The following TRABD2B variants were observed in gnomAD, a reference collection of about 807,000 sequenced individuals.
TRABD2B encodes TraB domain containing 2B.
In TRABD2B, 14 loss-of-function variants were observed where a neutral mutation model predicts 40.1. That is an observed-to-expected ratio of 0.35 (90% CI 0.23 to 0.55). TRABD2B has a LOEUF of 0.55. Among genes scored for constraint, TRABD2B ranks in the 20% least tolerant of loss-of-function variants. The probability of loss-of-function intolerance (pLI) is 0.90; values close to 1 mark genes in which losing one functional copy is unlikely to be tolerated. For synonymous variants in TRABD2B, 263 were observed against 277.0 expected, an observed-to-expected ratio of 0.95 and a Z score of 0.50; for missense variants, 541 against 648.6, an observed-to-expected ratio of 0.83 and a Z score of 1.80.
At chr1:47,944,093 T>G (rs1481459717) in intron 2 of TRABD2B, among the ~76,000 whole-genome samples, 1 of 152,102 alleles carries the variant, frequency 6.6e-6, no homozygotes, top group East Asian at 1.9e-4. Flanking sequence ...TGGCAAAGCC[T>G]TAAAGGAGGA....
rs1645098499 is a variant in TRABD2B, at chr1:47,820,816, ACACAC to A, written c.667-19202_667-19198del. On this transcript the variant is annotated intron_variant, in intron 2 of 6. Transcript: ENST00000606738. ...CACACACACACACACACACACACACACACACAAAATCTTACTTACTCTTCCCATAA... is the reference window on the plus strand; with the variant it reads ...CACACACACACACACACACACACACAAAAATCTTACTTACTCTTCCCATAA... 2.0e-5 allele frequency among the ~76,000 whole-genome samples: 3 copies of A among 152,006 alleles called. No homozygotes were observed. In the East Asian group the frequency reaches 5.8e-4, roughly 29 times the overall value.
intron 2 of TRABD2B, among the ~76,000 whole-genome samples, chr1:47,824,321 A>G (rs1645147820): frequency 6.6e-6 from 1 of 152,114 alleles, no homozygotes; most frequent in Non-Finnish European, 1.5e-5. Flanking sequence ...TCTGGGGGGA[A>G]TCTTTCAGCA....
chr1:47,918,303 A>AG, intron 2 of TRABD2B, among the ~76,000 whole-genome samples: 1 of 152,334 alleles, frequency 6.6e-6, no homozygotes. Flanking sequence ...ACAACTGTGT[A>AG]GCAAGTAGAT....
At chr1:47,886,743 A>T (rs1020390541) in intron 2 of TRABD2B, among the ~76,000 whole-genome samples, 1 of 152,248 alleles carries the variant, frequency 6.6e-6, no homozygotes, top group African/African-American at 2.4e-5. Context: ...GGCTAGGGAC[A>T]AACAGTGGTG....
chr1:47,806,640 T>G (rs985853765), intron 2 of TRABD2B, among the ~76,000 whole-genome samples: 6 of 152,160 alleles, frequency 3.9e-5, no homozygotes, highest in African/African-American at 1.4e-4. Context: ...TGGCTGGACA[T>G]GAAATGGCTT....
intron 2 of TRABD2B, among the ~76,000 whole-genome samples, chr1:47,941,405 C>T (rs1176415755): frequency 6.6e-6 from 1 of 152,182 alleles, no homozygotes; most frequent in Non-Finnish European, 1.5e-5. Context: ...TGCACACACT[C>T]GCAGACATAC....
chr1:47,997,335 C>T lies in TRABD2B; in HGVS notation c.-546G>A, dbSNP rs1646109623. On this transcript the variant is annotated 5_prime_UTR_variant, in exon 1 of 7. Coordinates refer to ENST00000606738, the MANE Select transcript of TRABD2B (RefSeq NM_001194986.2). ...GAGGGGCGGCGGGCGGCCGCGCGGC[C>T]GCTGCCCGGGCTCCGCCATGCTGCT... 2.0e-5 allele frequency: 9 copies of T among 456,886 alleles called. No homozygotes were observed. Among genetic ancestry groups the T allele is most frequent in the Non-Finnish European group, 2.6e-5 (9 of 351,948 alleles). The allele number at this position is 456,886 out of a possible 1,614,324, so 28.3% of individuals were successfully genotyped here.
intron 2 of TRABD2B, among the ~76,000 whole-genome samples, chr1:47,941,603 T>C (rs17426042): frequency 0.023 from 3,558 of 152,308 alleles, 108 homozygotes; most frequent in Admixed American, 0.09. Context: ...CAGTTCTCCA[T>C]GTATAAACCA....
At chr1:47,897,933 C>T (rs1229801408) in intron 2 of TRABD2B, among the ~76,000 whole-genome samples, 2 of 152,168 alleles carry the variant, frequency 1.3e-5, no homozygotes, top group Non-Finnish European at 2.9e-5. Flanking sequence ...GAAGTGTTAG[C>T]TATTTACCTG....
chr1:47,886,625 A>C (rs940328954), intron 2 of TRABD2B, among the ~76,000 whole-genome samples: 6 of 151,954 alleles, frequency 3.9e-5, no homozygotes, highest in African/African-American at 1.5e-4. Flanking sequence ...GAGTCCCCCA[A>C]CCCCTCTTTT....
chr1:47,778,640 G>C, intron 4 of TRABD2B, 96 bp from the exon 5 acceptor site: 1 of 849,744 alleles, frequency 1.2e-6, no homozygotes, highest in African/African-American at 1.7e-5. Flanking sequence ...ATCTGGGCCA[G>C]TGACCTACAC....
At chr1:47,931,598 A>G (rs1249813657) in intron 2 of TRABD2B, among the ~76,000 whole-genome samples, 1 of 152,104 alleles carries the variant, frequency 6.6e-6, no homozygotes, top group Middle Eastern at 3.2e-3. Context: ...AAGTTCAACT[A>G]TGCTTCTGGA....
At chr1:47,915,009 C>G (rs998056783) in intron 2 of TRABD2B, among the ~76,000 whole-genome samples, 2 of 152,164 alleles carry the variant, frequency 1.3e-5, no homozygotes, top group Non-Finnish European at 2.9e-5. Flanking sequence ...TTCAGTACAG[C>G]GAGACAAATG....
chr1:47,988,443 C>G (rs1056157790), intron 2 of TRABD2B, among the ~76,000 whole-genome samples: 1 of 152,180 alleles, frequency 6.6e-6, no homozygotes, highest in African/African-American at 2.4e-5. Context: ...CAGTGAGGTG[C>G]TCTGGTTGAA....
chr1:47,781,268 C>T, intron 4 of TRABD2B, among the ~76,000 whole-genome samples: 1 of 152,218 alleles, frequency 6.6e-6, no homozygotes, highest in East Asian at 1.9e-4. Context: ...GCCTCCCAGC[C>T]CAACAGCGGT....
At chr1:47,827,065 G>A (rs1316826632) in intron 2 of TRABD2B, among the ~76,000 whole-genome samples, 2 of 152,184 alleles carry the variant, frequency 1.3e-5, no homozygotes, top group Non-Finnish European at 2.9e-5. Context: ...GTATGAATGG[G>A]TGTGTGACTG....
At chr1:47,987,573 C>T (rs1242815802) in intron 2 of TRABD2B, among the ~76,000 whole-genome samples, 1 of 152,152 alleles carries the variant, frequency 6.6e-6, no homozygotes, top group African/African-American at 2.4e-5. Flanking sequence ...TCCTGTGCTC[C>T]TGCTTCTGTG....
At chr1:47,991,587 C>T (rs993896475) in intron 2 of TRABD2B, among the ~76,000 whole-genome samples, 7 of 144,772 alleles carry the variant, frequency 4.8e-5, no homozygotes, top group Non-Finnish European at 3.0e-5. Flanking sequence ...TTTCTTTCTC[C>T]ATTTAACAAG....
chr1:47,912,000 G>A (rs1279993902), intron 2 of TRABD2B, among the ~76,000 whole-genome samples: 5 of 151,474 alleles, frequency 3.3e-5, no homozygotes, highest in Non-Finnish European at 7.4e-5. Context: ...CAAGTACTAA[G>A]GCTTCATCAT....
Sources: allele counts gnomAD v4.1 joint callset (sites outside exome capture counted in the v4.1 genomes callset), GRCh38; gene constraint gnomAD v4.1.1; transcripts MANE v1.5; gene names NCBI Gene and HGNC (gene_info 2026-07-23, HGNC 2026-07-21).